The following CCDC15 variants were observed in gnomAD, a reference collection of about 807,000 sequenced individuals.
CCDC15 encodes coiled-coil domain containing 15.
CCDC15 carries 105 observed loss-of-function variants against 114.5 expected under a neutral mutation model. The ratio of observed to expected loss-of-function variants is 0.92; its 90% CI spans 0.78 to 1.08. The LOEUF is 1.08. Among genes scored for constraint, CCDC15 ranks in the 50% least tolerant of loss-of-function variants. The pLI is 0.00. For synonymous variants in CCDC15, 334 were observed against 377.8 expected, an observed-to-expected ratio of 0.88 and a Z score of 1.34; for missense variants, 1,105 against 1,093.6, an observed-to-expected ratio of 1.01 and a Z score of -0.15.
intron 4 of CCDC15, among the ~76,000 whole-genome samples, chr11:124,974,136 G>A (rs1449152257): frequency 2.0e-5 from 3 of 151,862 alleles, no homozygotes; most frequent in Non-Finnish European, 4.4e-5. Context: ...CACCATGCCC[G>A]GCTAATTTTT....
At chr11:125,030,758 T>C (rs1948733046) in intron 13 of CCDC15, among the ~76,000 whole-genome samples, 2 of 152,120 alleles carry the variant, frequency 1.3e-5, no homozygotes, top group African/African-American at 4.8e-5. Context: ...GCTGAGCCCA[T>C]GCGTAACCTC....
chr11:125,013,203 T>A (rs1948607110), intron 13 of CCDC15, among the ~76,000 whole-genome samples: 2 of 152,168 alleles, frequency 1.3e-5, no homozygotes, highest in Non-Finnish European at 2.9e-5. Flanking sequence ...CAAGAAATGC[T>A]TTATAGATGA....
chr11:124,970,832 C>T lies in CCDC15; in HGVS notation c.517-4264C>T, dbSNP rs184985499. On this transcript the variant is annotated intron_variant, in intron 4 of 15. Transcript: ENST00000344762. ...TATTTGCTTGATGCTTTAAATTTTA[C>T]TATCTAATCATAGTTTGCTTTAGAT... is the stretch of plus-strand genomic sequence containing the variant. Among the ~76,000 whole-genome samples, 692 of 152,268 alleles carry T rather than the reference C, an allele frequency of 4.5e-3. 3 individuals carry two copies. Among genetic ancestry groups the T allele is most frequent in the Middle Eastern group, 0.014 (4 of 294 alleles).
At chr11:124,973,547 T>G (rs1356746312) in intron 4 of CCDC15, among the ~76,000 whole-genome samples, 1 of 151,932 alleles carries the variant, frequency 6.6e-6, no homozygotes, top group African/African-American at 2.4e-5. Context: ...TAAATAGAGG[T>G]GATGTGCTGT....
At chr11:125,040,552 T>G (rs1948808711) in intron 15 of CCDC15, 38 bp from the exon 16 acceptor site, 1 of 1,566,400 alleles carries the variant, frequency 6.4e-7, no homozygotes, top group Non-Finnish European at 8.7e-7. Flanking sequence ...TGTTTAGAAT[T>G]TGACTTTATT....
Position 124,959,912 on chromosome 11 carries a change from G to T in CCDC15, c.425G>T (p.Gly142Val), listed in dbSNP as rs1335759812. 1 of 1,589,114 alleles carries T rather than the reference G, an allele frequency of 6.3e-7. No homozygotes were observed. The highest frequency in any genetic ancestry group is 8.6e-7 in the Non-Finnish European group (1 of 1,166,132). The change falls in exon 4 of 16, where the codon GGA (glycine) becomes GTA (valine). Residue 142 changes from glycine (G) to valine (V), a missense_variant. Transcript: ENST00000344762. ...CCAAACAATTTGAATGTTGCTATTG[G>T]AAGTTCTAGGTTACCTCCTTCCCTG... ...VFPNNLNVAIGSSRLPPSLMP... is the reference protein window; with the variant it reads ...VFPNNLNVAIVSSRLPPSLMP...
chr11:125,037,677 A>T (rs987084619), intron 13 of CCDC15, among the ~76,000 whole-genome samples: 2 of 152,032 alleles, frequency 1.3e-5, no homozygotes, highest in Non-Finnish European at 2.9e-5. Flanking sequence ...GGTTTACTTC[A>T]CTTGTTTCCC....
intron 13 of CCDC15, among the ~76,000 whole-genome samples, chr11:125,012,927 T>C (rs1948604086): frequency 6.6e-6 from 1 of 152,200 alleles, no homozygotes; most frequent in South Asian, 2.1e-4. Flanking sequence ...TTTGTAAACT[T>C]AAGCAAGTAA....
intron 4 of CCDC15, among the ~76,000 whole-genome samples, chr11:124,970,778 T>G: frequency 6.6e-6 from 1 of 152,244 alleles, no homozygotes; most frequent in African/African-American, 2.4e-5. Flanking sequence ...CCTAGTTAGA[T>G]ATCTATATTT....
In CCDC15 at chr11:124,987,815, A is replaced by G. The variant is rs772320403; in HGVS notation, c.1589A>G (p.Gln530Arg). 4 of 1,605,472 alleles carry G rather than the reference A, an allele frequency of 2.5e-6. No homozygotes were observed. The Admixed American group carries it at 6.7e-5, about 27-fold the overall frequency. Residue 530 changes from glutamine to arginine, a missense_variant, in exon 8 of 16, where the codon CAG (glutamine) becomes CGG (arginine). By Grantham distance (43) the Gln-to-Arg change is conservative. Transcript: ENST00000344762. The stretch of plus-strand genomic sequence containing the variant: ...AATATTCTACCTAAATATCAAGGCC[A>G]GGATTTTCTACCTAAAGACCAGGAC... ...DQNILPKYQGQDFLPKDQDFL... is the reference protein window; with the variant it reads ...DQNILPKYQGRDFLPKDQDFL...
chr11:125,034,779 G>A (rs1286270511), intron 13 of CCDC15, among the ~76,000 whole-genome samples: 1 of 152,052 alleles, frequency 6.6e-6, no homozygotes, highest in African/African-American at 2.4e-5. Flanking sequence ...ACATTTTGGA[G>A]TCTAATCATA....
Position 125,003,801 on chromosome 11 carries a change from T to C in CCDC15, c.2215-66T>C, listed in dbSNP as rs567283177. ...CAAAAGAAAAGAACAGATAAAAATA[T>C]CAAAATTGTTCATGGGGTAGTTTTT... is the stretch of plus-strand genomic sequence containing the variant. On this transcript the variant is annotated intron_variant, in intron 11 of 15. Coordinates refer to ENST00000344762, the MANE Select transcript of CCDC15 (RefSeq NM_025004.3). 11 of 840,546 alleles carry C rather than the reference T, an allele frequency of 1.3e-5. No individual in the cohort carries two copies. In the East Asian group the frequency reaches 1.8e-4, roughly 14 times the overall value. The allele number at this position is 840,546 out of a possible 1,614,324, so 52.1% of individuals were successfully genotyped here.
intron 13 of CCDC15, among the ~76,000 whole-genome samples, chr11:125,029,346 A>G (rs1948723728): frequency 6.6e-6 from 1 of 152,204 alleles, no homozygotes; most frequent in African/African-American, 2.4e-5. Context: ...GATCATACGT[A>G]ATCTTCAAAT....
rs912602005 is a variant in CCDC15, at chr11:124,955,741, G to A, written c.177+832G>A. 2.0e-5 allele frequency among the ~76,000 whole-genome samples: 3 copies of A among 152,114 alleles called. No individual in the cohort carries two copies. In the South Asian group the frequency reaches 6.2e-4, roughly 32 times the overall value. On this transcript the variant is annotated intron_variant, in intron 2 of 15. Coordinates refer to ENST00000344762, the MANE Select transcript of CCDC15 (RefSeq NM_025004.3). ...CTTGATCTCAGAAGAGAAATGAGAT[G>A]TGTTTAAATGTTAAAGTAATGCAAT...
At position 125,031,858 on chromosome 11, in the gene CCDC15, C is replaced by T. The variant is rs116246193; in HGVS notation, c.2412-6573C>T. 4.3e-3 allele frequency among the ~76,000 whole-genome samples: 662 copies of T among 152,228 alleles called. 3 individuals carry two copies. The highest frequency in any genetic ancestry group is 0.015 in the African/African-American group (641 of 41,518). ...AAAACTGGCAGCCTTTCAGGTCACT[C>T]GATAAATAGTCTGGGGTAACACACC... is the stretch of plus-strand genomic sequence containing the variant. On this transcript the variant is annotated intron_variant, in intron 13 of 15. Transcript: ENST00000344762.
chr11:125,039,845 C>A (rs1948803482), intron 15 of CCDC15, among the ~76,000 whole-genome samples: 1 of 152,144 alleles, frequency 6.6e-6, no homozygotes, highest in African/African-American at 2.4e-5. Context: ...AGTTGCTATT[C>A]CCAGTATGTG....
intron 13 of CCDC15, 120 bp downstream of exon 13, chr11:125,005,332 G>A: frequency 2.0e-6 from 1 of 494,052 alleles, no homozygotes; most frequent in East Asian, 3.3e-5. Flanking sequence ...AGCTATTTTT[G>A]ATCTGGGTGA....
rs377277628 is a variant in CCDC15 at position 125,040,683 on chromosome 11, C to T, written c.2828C>T (p.Ala943Val). The T allele has an allele frequency of 9.3e-6, 15 of 1,612,054 alleles. No individual in the cohort carries two copies. Among genetic ancestry groups the T allele is most frequent in the Non-Finnish European group, 1.2e-5 (14 of 1,178,988 alleles). Reference protein sequence around the residue: ...LRVAIHNFASAHRRTLKNL With the variant: ...LRVAIHNFASVHRRTLKNL The stretch of plus-strand genomic sequence containing the variant: ...GTCGCAATTCATAATTTTGCTTCTG[C>T]ACACAGGCGGACTTTGAAAAATCTA... The change falls in exon 16 of 16, where the codon GCA becomes GTA. Residue 943 changes from alanine (A) to valine (V), a missense_variant. Ala to Val is a moderately conservative substitution (Grantham distance 64, BLOSUM62 0). Coordinates refer to ENST00000344762, the MANE Select transcript of CCDC15 (RefSeq NM_025004.3).
At chr11:124,977,868 A>C (rs947326065) in intron 6 of CCDC15, among the ~76,000 whole-genome samples, 1 of 152,110 alleles carries the variant, frequency 6.6e-6, no homozygotes, top group Non-Finnish European at 1.5e-5. Flanking sequence ...TTTTTAAAAT[A>C]ACTTTTATTT....
Sources: allele counts gnomAD v4.1 joint callset (sites outside exome capture counted in the v4.1 genomes callset), GRCh38; gene constraint gnomAD v4.1.1; transcripts MANE v1.5; gene names NCBI Gene and HGNC (gene_info 2026-07-23, HGNC 2026-07-21).